Variants in RAD51B observed in about 807,000 individuals in gnomAD.
The protein encoded by RAD51B is RAD51 paralog B, also known as DNA repair protein RAD51 homolog 2.
In RAD51B, 38 loss-of-function variants were observed where a neutral mutation model predicts 42.2. That is an observed-to-expected ratio of 0.90 (90% CI 0.70 to 1.18). The LOEUF is 1.18. Ranked by LOEUF, RAD51B falls within the 50% of genes most tolerant of loss-of-function variation. RAD51B has a pLI of 0.00. For synonymous variants in RAD51B, 154 were observed against 145.2 expected (o/e 1.06, Z -0.43); for missense variants, 373 against 400.7 (o/e 0.93, Z 0.59).
intron 7 of RAD51B, among the ~76,000 whole-genome samples, chr14:68,128,911 G>T (rs2140667242): frequency 6.6e-6 from 1 of 152,230 alleles, no homozygotes; most frequent in South Asian, 2.1e-4. Flanking sequence ...ATTTCCTAGA[G>T]ATGAGAAGGT....
At chr14:68,566,696 G>A (rs1889438652) in intron 10 of RAD51B, among the ~76,000 whole-genome samples, 1 of 152,128 alleles carries the variant, frequency 6.6e-6, no homozygotes, top group Non-Finnish European at 1.5e-5. Context: ...TGCTTGGATT[G>A]CTTTTCTCTC....
chr14:68,261,345 A>C (rs1184225160), intron 7 of RAD51B, among the ~76,000 whole-genome samples: 1 of 152,236 alleles, frequency 6.6e-6, no homozygotes, highest in African/African-American at 2.4e-5. Context: ...GAAGGCCTCA[A>C]AGGTTCCCGG....
At chr14:68,025,026 G>C (rs1295556468) in intron 7 of RAD51B, among the ~76,000 whole-genome samples, 1 of 151,920 alleles carries the variant, frequency 6.6e-6, no homozygotes, top group Non-Finnish European at 1.5e-5. Context: ...TTCCTTTGGT[G>C]CCTACTCTGT....
At chr14:68,045,031 G>A (rs2076276660) in intron 7 of RAD51B, among the ~76,000 whole-genome samples, 2 of 151,972 alleles carry the variant, frequency 1.3e-5, no homozygotes, top group South Asian at 2.1e-4. Context: ...CCTGAGGTCA[G>A]GAGTTTGAGA....
At chr14:68,003,884 A>G (rs2075530961) in intron 7 of RAD51B, among the ~76,000 whole-genome samples, 1 of 152,128 alleles carries the variant, frequency 6.6e-6, no homozygotes, top group Admixed American at 6.5e-5. Flanking sequence ...GTGGTGGATA[A>G]ACTTTTTGAT....
At chr14:68,447,709 T>C (rs2085454554) in intron 9 of RAD51B, among the ~76,000 whole-genome samples, 1 of 152,220 alleles carries the variant, frequency 6.6e-6, no homozygotes, top group Non-Finnish European at 1.5e-5. Flanking sequence ...TTTTGGGTTT[T>C]AGTTAGCCAT....
chr14:68,339,915 A>AT (rs1431144129), intron 8 of RAD51B, among the ~76,000 whole-genome samples: 4 of 152,220 alleles, frequency 2.6e-5, no homozygotes, highest in African/African-American at 4.8e-5. Flanking sequence ...GTTTAAAGAA[A>AT]TTGAGGTAGT....
intron 10 of RAD51B, among the ~76,000 whole-genome samples, chr14:68,623,051 G>A (rs1891990649): frequency 6.6e-6 from 1 of 152,188 alleles, no homozygotes; most frequent in South Asian, 2.1e-4. Context: ...AAGCTCACGG[G>A]AGGCAAGGGG....
At chr14:68,418,219 G>A (rs1362508554) in intron 9 of RAD51B, among the ~76,000 whole-genome samples, 1 of 152,200 alleles carries the variant, frequency 6.6e-6, no homozygotes, top group African/African-American at 2.4e-5. Flanking sequence ...CCAAAAAGTA[G>A]AAAGGACATA....
chr14:68,283,282 A>G (rs532391574), intron 7 of RAD51B, among the ~76,000 whole-genome samples: 36 of 152,304 alleles, frequency 2.4e-4, no homozygotes, highest in African/African-American at 8.7e-4. Context: ...CTGCCTTTCT[A>G]TGGGACTCAG....
At chr14:67,904,199 A>G (rs949637300) in intron 7 of RAD51B, among the ~76,000 whole-genome samples, 5 of 152,096 alleles carry the variant, frequency 3.3e-5, no homozygotes, top group African/African-American at 9.7e-5. Context: ...TATTGTGAAT[A>G]GTGCTGTGAT....
intron 4 of RAD51B, among the ~76,000 whole-genome samples, chr14:67,849,898 C>G (rs1456604274): frequency 6.6e-6 from 1 of 152,180 alleles, no homozygotes; most frequent in Non-Finnish European, 1.5e-5. Context: ...GGGGACCTTT[C>G]CTAGAGAGCT....
At chr14:68,462,983 C>T (rs549199764) in intron 9 of RAD51B, among the ~76,000 whole-genome samples, 3 of 152,252 alleles carry the variant, frequency 2.0e-5, no homozygotes, top group Admixed American at 6.5e-5. Flanking sequence ...GGTTTGAGTG[C>T]GATCAGAATT....
At chr14:68,312,645 C>T (rs1467178773) in intron 8 of RAD51B, among the ~76,000 whole-genome samples, 1 of 152,184 alleles carries the variant, frequency 6.6e-6, no homozygotes, top group African/African-American at 2.4e-5. Flanking sequence ...CAGTTTCTTT[C>T]CACAGTTTAT....
chr14:67,987,588 C>CTT (rs538236023), intron 7 of RAD51B, among the ~76,000 whole-genome samples: 97 of 150,970 alleles, frequency 6.4e-4, no homozygotes, highest in African/African-American at 2.2e-3. Flanking sequence ...CTTAGAAGAT[C>CTT]TTTTTTTTTC....
chr14:68,223,202 TA>T (rs561248854), intron 7 of RAD51B, among the ~76,000 whole-genome samples: 6 of 152,362 alleles, frequency 3.9e-5, no homozygotes, highest in African/African-American at 1.4e-4. Context: ...CTCCCATTTT[TA>T]ATCAAACATG....
intron 9 of RAD51B, among the ~76,000 whole-genome samples, chr14:68,454,456 A>G (rs1296246712): frequency 6.6e-6 from 1 of 152,246 alleles, no homozygotes; most frequent in East Asian, 1.9e-4. Flanking sequence ...CAGGAAGAAC[A>G]GCAAGACTTG....
chr14:68,200,251 G>A (rs1566723954), intron 7 of RAD51B, among the ~76,000 whole-genome samples: 1 of 152,098 alleles, frequency 6.6e-6, no homozygotes, highest in Non-Finnish European at 1.5e-5. Flanking sequence ...TCTGGCATGG[G>A]GGAGCCCAAG....
chr14:68,337,868 C>T (rs922138872), intron 8 of RAD51B, among the ~76,000 whole-genome samples: 1 of 152,166 alleles, frequency 6.6e-6, no homozygotes. Context: ...ACCTCCTTGG[C>T]TCAGGCAATC....
Sources: gnomAD v4.1 joint callset for allele counts (sites outside exome capture counted in the v4.1 genomes callset) on GRCh38, gnomAD v4.1.1 for gene constraint, MANE v1.5 for transcripts, NCBI Gene and HGNC (gene_info 2026-07-23, HGNC 2026-07-21) for gene names.